The following CHD2 variants were observed in gnomAD, a reference collection of about 807,000 sequenced individuals.
The protein encoded by CHD2 is chromodomain helicase DNA binding protein 2.
In CHD2, 28 loss-of-function variants were observed where a neutral mutation model predicts 243.9. The observed-to-expected ratio is 0.11, with a 90% CI of 0.09 to 0.16. CHD2 has a LOEUF of 0.16. Ranked by LOEUF, CHD2 falls within the 10% of genes least tolerant of loss-of-function variation. CHD2 has a pLI of 1.00. For synonymous variants in CHD2, 775 were observed against 779.0 expected (o/e 0.99, Z 0.09); for missense variants, 1,386 against 2,209.8 (o/e 0.63, Z 7.47).
rs138513922 is a variant in CHD2, at chr15:93,007,138, G to C, written c.4414-2007G>C. On this transcript the variant is annotated intron_variant, in intron 34 of 38. Transcript: ENST00000394196. The stretch of plus-strand genomic sequence containing the variant: ...GATACTCGAGTTCCTCTTGAAAGCA[G>C]TTGTAGAGATTGCATGAATTATAGC... Among the ~76,000 whole-genome samples the C allele has an allele frequency of 8.4e-4, 128 of 152,326 alleles. 1 individual carries two copies. The highest frequency in any genetic ancestry group is 2.9e-3 in the African/African-American group (119 of 41,574).
In CHD2 at chr15:92,919,266, C is replaced by T. The variant is rs115044520; in HGVS notation, c.63-5055C>T. Among the ~76,000 whole-genome samples, 321 of 151,758 alleles carry T rather than the reference C, an allele frequency of 2.1e-3. 1 individual carries two copies. The highest frequency in any genetic ancestry group is 6.8e-3 in the African/African-American group (283 of 41,420). On this transcript the variant is annotated intron_variant, in intron 2 of 38. Coordinates refer to ENST00000394196, the MANE Select transcript of CHD2 (RefSeq NM_001271.4). ...TCCAGTTTATTTAGTGATTATTCCTCTTACGAGAAGTATGAAAATTAAGTA... is the reference window on the plus strand; with the variant it reads ...TCCAGTTTATTTAGTGATTATTCCTTTTACGAGAAGTATGAAAATTAAGTA...
In CHD2 at chr15:92,972,829, C is replaced by T. The variant is rs1172652272; in HGVS notation, c.2505+412C>T. ...TCCCGCCACTGCACTCCAGCCTGGG[C>T]GACAGAGCGAGACTCCGTCTCAAAA... On this transcript the variant is annotated intron_variant, in intron 19 of 38. Coordinates refer to ENST00000394196, the MANE Select transcript of CHD2 (RefSeq NM_001271.4). Among the ~76,000 whole-genome samples the T allele has an allele frequency of 1.0e-3, 9 of 8,642 alleles. 4 individuals are homozygous for T. Among genetic ancestry groups the T allele is most frequent in the Non-Finnish European group, 4.3e-3 (8 of 1,842 alleles). The allele number at this position is 8,642 out of a possible 152,430, so 5.7% of individuals were successfully genotyped here. A position where few individuals can be genotyped will look rare whatever the true frequency, so the allele number is the denominator to read the frequency against.
Position 92,958,361 on chromosome 15 carries a change from G to A in CHD2, c.2000+1712G>A, listed in dbSNP as rs899353612. On this transcript the variant is annotated intron_variant, in intron 16 of 38. Coordinates refer to ENST00000394196, the MANE Select transcript of CHD2 (RefSeq NM_001271.4). ...TCCCTAATGACTAATGATGTTGAAC[G>A]TCTTTTCATGTGTTCATTAGCCATT... Among the ~76,000 whole-genome samples, 14 of 152,172 alleles carry A rather than the reference G, an allele frequency of 9.2e-5. No homozygotes were observed. The South Asian group carries it at 1.4e-3, about 16-fold the overall frequency.
Position 92,900,373 on chromosome 15 carries a change from G to T in CHD2, c.-523G>T, listed in dbSNP as rs1596359367. 1 of 391,518 alleles carries T rather than the reference G, an allele frequency of 2.6e-6. No individual in the cohort carries two copies. Among genetic ancestry groups the T allele is most frequent in the Non-Finnish European group, 4.5e-6 (1 of 222,182 alleles). The allele number at this position is 391,518 out of a possible 1,614,324, so 24.3% of individuals were successfully genotyped here. A position where few individuals can be genotyped will look rare whatever the true frequency, so the allele number is the denominator to read the frequency against. ...GGCGGCTGTGCCTTAGAGAGAGCGC[G>T]CTCTGCTCCCTGCCTTTGCCTCACT... is the stretch of plus-strand genomic sequence containing the variant. On this transcript the variant is annotated 5_prime_UTR_variant, in exon 1 of 39. Transcript: ENST00000394196.
At chr15:92,912,541 T>C (rs1026968540) in intron 2 of CHD2, among the ~76,000 whole-genome samples, 1 of 152,140 alleles carries the variant, frequency 6.6e-6, no homozygotes, top group Non-Finnish European at 1.5e-5. Context: ...ATTTTTGTTT[T>C]GTTTTGTTTT....
chr15:92,952,739 A>G (rs1485054374), intron 13 of CHD2, among the ~76,000 whole-genome samples: 1 of 152,212 alleles, frequency 6.6e-6, no homozygotes, highest in Non-Finnish European at 1.5e-5. Flanking sequence ...GGTCTGGTCT[A>G]AGGAATACCT....
At chr15:92,932,379 G>A (rs912446762) in intron 5 of CHD2, among the ~76,000 whole-genome samples, 7 of 149,742 alleles carry the variant, frequency 4.7e-5, no homozygotes, top group African/African-American at 1.7e-4. Context: ...TGTCATGTTG[G>A]TGTGCTGCAC....
intron 24 of CHD2, 62 bp from the exon 25 acceptor site, chr15:92,984,268 T>A: frequency 7.8e-7 from 1 of 1,277,806 alleles, no homozygotes; most frequent in South Asian, 2.2e-5. Context: ...ACTGGATAAA[T>A]TGTTTTAGTA....
At chr15:92,925,759 T>A (rs1420577889) in intron 3 of CHD2, among the ~76,000 whole-genome samples, 1 of 152,172 alleles carries the variant, frequency 6.6e-6, no homozygotes, top group African/African-American at 2.4e-5. Context: ...TTGGACCTTT[T>A]GTCCTTTAAC....
chr15:92,905,365 A>G (rs1474965854), intron 2 of CHD2, among the ~76,000 whole-genome samples: 3 of 152,214 alleles, frequency 2.0e-5, no homozygotes, highest in Non-Finnish European at 2.9e-5. Flanking sequence ...TCGTTCAGCA[A>G]CGATGTCTTA....
At chr15:92,912,747 G>T (rs557993499) in intron 2 of CHD2, among the ~76,000 whole-genome samples, 1 of 152,092 alleles carries the variant, frequency 6.6e-6, no homozygotes, top group South Asian at 2.1e-4. Context: ...TGTTGGCCAG[G>T]CTGGTCTCAA....
At chr15:92,959,458 C>A (rs994957463) in intron 16 of CHD2, among the ~76,000 whole-genome samples, 13 of 152,180 alleles carry the variant, frequency 8.5e-5, no homozygotes, top group African/African-American at 2.4e-4. Context: ...CAATGTCACA[C>A]TGTCTTGATT....
In CHD2 at chr15:92,937,933, T is replaced by C. The variant is rs554295175; in HGVS notation, c.551+308T>C. Among the ~76,000 whole-genome samples the C allele has an allele frequency of 3.2e-3, 490 of 152,364 alleles. 3 individuals are homozygous for C. Among genetic ancestry groups the C allele is most frequent in the Non-Finnish European group, 5.2e-3 (352 of 68,030 alleles). On this transcript the variant is annotated intron_variant, in intron 6 of 38. Transcript: ENST00000394196. ...AACACTGTTTGCCTGGCTTAAAGCA[T>C]ACTTGAGTGGTTTATTACCTTGTTC...
At chr15:92,953,787 G>C (rs1330806514) in intron 14 of CHD2, 1 of 550,620 alleles carries the variant, frequency 1.8e-6, no homozygotes, top group Non-Finnish European at 3.2e-6. Context: ...AGCAGTATGT[G>C]AGTGGGAATC....
intron 16 of CHD2, among the ~76,000 whole-genome samples, chr15:92,966,310 C>T (rs1013483961): frequency 1.6e-4 from 25 of 151,990 alleles, no homozygotes; most frequent in African/African-American, 5.1e-4. Flanking sequence ...GTGATCCGCC[C>T]GCCTCAGCCT....
chr15:92,946,457 G>A (rs372429714), intron 12 of CHD2: 13 of 335,894 alleles, frequency 3.9e-5, no homozygotes, highest in African/African-American at 2.1e-4. Context: ...GAGAATACTT[G>A]AAAGGATTTA....
In CHD2 at chr15:92,937,620, C is replaced by T. The variant is rs769610246; in HGVS notation, c.546C>T (p.Pro182=). The change falls in exon 6 of 39, where the codon CCC becomes CCT. Residue 182 remains proline, a synonymous_variant. Transcript: ENST00000394196. ...QKKVKARRPV[P]RRTVPKPRVK... is the part of the protein sequence containing the mutation. ...AAGTAAAAGCCAGAAGACCTGTCCC[C>T]AGAAGGTGCACTGTTTGCTTAAGAT... The T allele has an allele frequency of 1.1e-5, 18 of 1,611,228 alleles. No individual in the cohort carries two copies. In the South Asian group the frequency reaches 1.8e-4, roughly 16 times the overall value.
intron 17 of CHD2, among the ~76,000 whole-genome samples, chr15:92,970,420 C>T (rs1242118558): frequency 2.0e-5 from 3 of 152,118 alleles, no homozygotes; most frequent in African/African-American, 7.2e-5. Flanking sequence ...AGGCTGGTCT[C>T]GAACTCCCAA....
At chr15:92,904,842 G>A (rs2052589650) in intron 2 of CHD2, 2 of 1,516,766 alleles carry the variant, frequency 1.3e-6, no homozygotes, top group South Asian at 2.5e-5. Flanking sequence ...AAACGTTTGA[G>A]TGTCAGAGGC....
Sources: allele counts gnomAD v4.1 joint callset (sites outside exome capture counted in the v4.1 genomes callset), GRCh38; gene constraint gnomAD v4.1.1; transcripts MANE v1.5; gene names NCBI Gene and HGNC (gene_info 2026-07-23, HGNC 2026-07-21).